Variants in MVB12B observed in about 807,000 individuals in gnomAD.
MVB12B encodes ESCRT-I complex subunit MVB12B.
In MVB12B, 16 loss-of-function variants were observed where a neutral mutation model predicts 41.6. That is an observed-to-expected ratio of 0.38 (90% confidence interval 0.26 to 0.58). MVB12B has a LOEUF of 0.58. MVB12B is among the 20% of genes least tolerant of loss of function. MVB12B has a pLI of 0.62. For synonymous variants in MVB12B, 133 were observed against 139.7 expected, an observed-to-expected ratio of 0.95 and a Z score of 0.34; for missense variants, 274 against 380.2, an observed-to-expected ratio of 0.72 and a Z score of 2.32.
At chr9:126,411,129 C>A (rs900437573) in intron 6 of MVB12B, among the ~76,000 whole-genome samples, 3 of 152,114 alleles carry the variant, frequency 2.0e-5, no homozygotes, top group Non-Finnish European at 2.9e-5. Flanking sequence ...CCTCGTGATC[C>A]ACCCGCCTTG....
intron 2 of MVB12B, among the ~76,000 whole-genome samples, chr9:126,357,634 C>A (rs932904895): frequency 1.3e-5 from 2 of 150,444 alleles, no homozygotes; most frequent in South Asian, 4.2e-4. Context: ...AGTATAACTT[C>A]TTTGGTGAAG....
At chr9:126,438,887 A>T (rs1832560991) in intron 7 of MVB12B, among the ~76,000 whole-genome samples, 1 of 151,944 alleles carries the variant, frequency 6.6e-6, no homozygotes, top group Non-Finnish European at 1.5e-5. Flanking sequence ...CTTGGGACTT[A>T]TCTTTCTATT....
intron 3 of MVB12B, among the ~76,000 whole-genome samples, chr9:126,382,149 A>G (rs747270708): frequency 1.0e-4 from 15 of 150,664 alleles, no homozygotes; most frequent in Non-Finnish European, 1.8e-4. Flanking sequence ...ATTCAACAGC[A>G]TGAAAGGGGG....
At chr9:126,384,064 A>G (rs999947030) in intron 3 of MVB12B, among the ~76,000 whole-genome samples, 4 of 151,998 alleles carry the variant, frequency 2.6e-5, no homozygotes, top group Non-Finnish European at 4.4e-5. Context: ...TTCTCAATGC[A>G]GAAAGCAGTG....
At chr9:126,482,474 GGA>G (rs1350015215) in intron 8 of MVB12B, among the ~76,000 whole-genome samples, 1 of 152,216 alleles carries the variant, frequency 6.6e-6, no homozygotes, top group Non-Finnish European at 1.5e-5. Context: ...TGTGACATGC[GGA>G]GCTCCAGGAA....
chr9:126,358,662 C>T (rs541701590), intron 2 of MVB12B, among the ~76,000 whole-genome samples: 37 of 152,328 alleles, frequency 2.4e-4, no homozygotes, highest in African/African-American at 8.4e-4. Context: ...TCTTGTTAAA[C>T]TCACTTATTA....
intron 7 of MVB12B, among the ~76,000 whole-genome samples, chr9:126,455,578 A>G (rs1832965193): frequency 6.6e-6 from 1 of 151,992 alleles, no homozygotes; most frequent in African/African-American, 2.4e-5. Context: ...TCGACTTCCC[A>G]GGCTCAGGTG....
chr9:126,470,672 G>GTGTGT (rs898911491), intron 7 of MVB12B, among the ~76,000 whole-genome samples: 2 of 145,498 alleles, frequency 1.4e-5, no homozygotes, highest in African/African-American at 4.9e-5. Flanking sequence ...GTGTGTGTGT[G>GTGTGT]TGTGTAATCC....
At chr9:126,336,499 C>G (rs543330548) in intron 1 of MVB12B, among the ~76,000 whole-genome samples, 4 of 152,192 alleles carry the variant, frequency 2.6e-5, no homozygotes, top group Non-Finnish European at 5.9e-5. Flanking sequence ...TTCATTTCTC[C>G]GTGAACCCGG....
chr9:126,476,065 C>T (rs919922356), intron 7 of MVB12B, among the ~76,000 whole-genome samples: 3 of 152,176 alleles, frequency 2.0e-5, no homozygotes, highest in Non-Finnish European at 2.9e-5. Flanking sequence ...GCACATGGGC[C>T]GAGGGGTGGA....
At chr9:126,379,841 A>G (rs866751921) in intron 2 of MVB12B, among the ~76,000 whole-genome samples, 4 of 152,262 alleles carry the variant, frequency 2.6e-5, no homozygotes, top group African/African-American at 9.6e-5. Context: ...GAGGCCATCC[A>G]TGTGCTGTGG....
intron 1 of MVB12B, among the ~76,000 whole-genome samples, chr9:126,330,555 C>T (rs1427294849): frequency 1.3e-5 from 2 of 148,576 alleles, no homozygotes; most frequent in African/African-American, 5.3e-5. Context: ...TTGGGTTATA[C>T]TTCTTCTTAC....
intron 6 of MVB12B, among the ~76,000 whole-genome samples, chr9:126,409,578 A>G (rs1440180279): frequency 1.3e-5 from 2 of 152,194 alleles, no homozygotes; most frequent in Non-Finnish European, 2.9e-5. Flanking sequence ...AACTTAGCCT[A>G]AGCATGAGCA....
intron 3 of MVB12B, among the ~76,000 whole-genome samples, chr9:126,384,324 G>A (rs977083990): frequency 2.0e-5 from 3 of 152,172 alleles, no homozygotes; most frequent in Non-Finnish European, 4.4e-5. Flanking sequence ...CTGAGAGGAA[G>A]AAACGGTTTC....
chr9:126,457,341 G>T (rs1344911252), intron 7 of MVB12B, among the ~76,000 whole-genome samples: 2 of 152,120 alleles, frequency 1.3e-5, no homozygotes, highest in African/African-American at 2.4e-5. Flanking sequence ...GAAAAGTGGG[G>T]CGCCTCTCAG....
chr9:126,397,982 AG>A (rs1195907104), intron 6 of MVB12B, among the ~76,000 whole-genome samples: 1 of 151,956 alleles, frequency 6.6e-6, no homozygotes, highest in Non-Finnish European at 1.5e-5. Context: ...TGGGGCCTGC[AG>A]GGCTGCACAC....
In MVB12B at chr9:126,340,781, GGA is replaced by G. The variant is rs1307578737; in HGVS notation, c.204+153_204+154del. ...AGGGCGTGGAGAGCATCCTGGTTTGGGAGTCAGAAGACCTGAGCCCATCTGGG... is the reference window on the plus strand; with the variant it reads ...AGGGCGTGGAGAGCATCCTGGTTTGGGTCAGAAGACCTGAGCCCATCTGGG... On this transcript the variant is annotated intron_variant, in intron 2 of 9. Coordinates refer to ENST00000361171, the MANE Select transcript of MVB12B (RefSeq NM_033446.3). The surrounding 1 kb of genome is among the most constrained non-coding windows in gnomAD (Gnocchi z 4.0). The G allele has an allele frequency of 1.1e-6, 1 of 910,906 alleles. No individual in the cohort carries two copies. The highest frequency in any genetic ancestry group is 1.6e-6 in the Non-Finnish European group (1 of 618,798). 56.4% of individuals were successfully genotyped at this position (910,906 alleles called of 1,614,324 possible).
At chr9:126,439,374 C>A (rs756807550) in intron 7 of MVB12B, among the ~76,000 whole-genome samples, 3 of 152,104 alleles carry the variant, frequency 2.0e-5, no homozygotes, top group Non-Finnish European at 4.4e-5. Flanking sequence ...TCCACAGGGA[C>A]CTGAAACACA....
At chr9:126,489,037 C>CT (rs1833678134) in intron 9 of MVB12B, among the ~76,000 whole-genome samples, 1 of 152,224 alleles carries the variant, frequency 6.6e-6, no homozygotes, top group South Asian at 2.1e-4. Context: ...CACTGATTGA[C>CT]AAACAGGGTG....
Sources: gnomAD v4.1 joint callset for allele counts (sites outside exome capture counted in the v4.1 genomes callset) on GRCh38, gnomAD v4.1.1 for gene constraint, Gnocchi (gnomAD v3.1) non-coding constraint, MANE v1.5 for transcripts, NCBI Gene and HGNC (gene_info 2026-07-23, HGNC 2026-07-21) for gene names.